Variants in SNAI3 observed in about 807,000 individuals in gnomAD.
SNAI3 encodes zinc finger protein SNAI3.
SNAI3 carries 21 observed loss-of-function variants against 16.4 expected under a neutral mutation model. The ratio of observed to expected loss-of-function variants is 1.28; its 90% confidence interval spans 0.91 to 1.85. The LOEUF (loss-of-function observed/expected upper bound fraction) is 1.85, where lower values mean the gene tolerates loss of function less well. SNAI3 is among the 40% of genes most tolerant of loss of function. SNAI3 has a pLI of 0.00. For missense variants in SNAI3, 457 were observed against 372.8 expected (o/e 1.23, Z -1.86); for synonymous variants, 202 against 166.6 (o/e 1.21, Z -1.64).
In SNAI3 at chr16:88,678,596, C is replaced by G. The variant is rs765112173; in HGVS notation, c.731G>C (p.Arg244Thr). Reference protein sequence around the residue: ...EKPYACSHCSRAFADRSNLRA... With the variant: ...EKPYACSHCSTAFADRSNLRA... ...AAGGTTGGAGCGGTCGGCAAAGGCCCTGCTGCAGTGCGAGCAGGCATAGGG... is the reference window on the plus strand; with the variant it reads ...AAGGTTGGAGCGGTCGGCAAAGGCCGTGCTGCAGTGCGAGCAGGCATAGGG... The change falls in exon 3 of 3, where the codon AGG becomes ACG. Residue 244 changes from arginine to threonine, a missense_variant. Transcript: ENST00000332281. The G allele has an allele frequency of 7.4e-6, 8 of 1,084,490 alleles. No homozygotes were observed. Among genetic ancestry groups the G allele is most frequent in the Admixed American group, 5.1e-5 (3 of 59,344 alleles). The allele number at this position is 1,084,490 out of a possible 1,614,324, so 67.2% of individuals were successfully genotyped here.
At position 88,678,255 on chromosome 16, in the gene SNAI3, G is replaced by A. The variant is rs1163530184; in HGVS notation, c.*193C>T. 5.3e-6 allele frequency: 3 copies of A among 565,768 alleles called. No individual in the cohort carries two copies. The highest frequency in any genetic ancestry group is 6.3e-6 in the Non-Finnish European group (2 of 318,722). The allele number at this position is 565,768 out of a possible 1,614,324, so 35.0% of individuals were successfully genotyped here. A position where few individuals can be genotyped will look rare whatever the true frequency, so the allele number is the denominator to read the frequency against. On this transcript the variant is annotated 3_prime_UTR_variant, in exon 3 of 3. Coordinates refer to ENST00000332281, the MANE Select transcript of SNAI3 (RefSeq NM_178310.4). The stretch of plus-strand genomic sequence containing the variant: ...CTGAGTGGGCTCCGCGCGGTGGGAT[G>A]CCTGGGGGAGTGTCCTCCGGCCCAG...
intron 2 of SNAI3, 182 bp from the exon 3 acceptor site, chr16:88,678,811 G>T: frequency 1.0e-6 from 1 of 985,472 alleles, no homozygotes; most frequent in Non-Finnish European, 1.2e-6. Flanking sequence ...CCTCCCAGGA[G>T]CACAGGCAGC....
At chr16:88,685,141 C>CA (rs1462720292) in intron 1 of SNAI3, 1 of 152,300 alleles carries the variant, frequency 6.6e-6, no homozygotes, top group Non-Finnish European at 1.5e-5. Flanking sequence ...ATTCCGCACA[C>CA]ATGTGTAGTC....
chr16:88,684,545 G>A (rs868409178), intron 1 of SNAI3, among the ~76,000 whole-genome samples: 2 of 152,194 alleles, frequency 1.3e-5, no homozygotes, highest in Non-Finnish European at 2.9e-5. Flanking sequence ...GCCCAGGTTG[G>A]AGTGCAGGGG....
In SNAI3 at chr16:88,681,303, G is replaced by A. The variant is rs202205064; in HGVS notation, c.488C>T (p.Thr163Met). 329 of 1,613,272 alleles carry A rather than the reference G, an allele frequency of 2.0e-4. 1 individual carries two copies. The Admixed American group carries it at 4.7e-3, about 23-fold the overall frequency. The change falls in exon 2 of 3, where the codon ACG (threonine) becomes ATG (methionine). Residue 163 changes from threonine to methionine, a missense_variant. Coordinates refer to ENST00000332281, the MANE Select transcript of SNAI3 (RefSeq NM_178310.4). This position sits in a 1 kb window ranked among gnomAD's most constrained non-coding sequence, Gnocchi z 5.4. Reference protein sequence around the residue: ...ECFHCHKPYHTLAGLARHRQL... With the variant: ...ECFHCHKPYHMLAGLARHRQL... Reference sequence around the variant, plus strand: ...CCGGTGCCTGGCCAGCCCGGCCAGCGTGTGGTAGGGTTTGTGGCAGTGGAA... The same window carrying A: ...CCGGTGCCTGGCCAGCCCGGCCAGCATGTGGTAGGGTTTGTGGCAGTGGAA...
At chr16:88,680,555 G>A (rs1378484538) in intron 2 of SNAI3, among the ~76,000 whole-genome samples, 1 of 152,000 alleles carries the variant, frequency 6.6e-6, no homozygotes, top group Non-Finnish European at 1.5e-5. Flanking sequence ...AAAATGCTGG[G>A]ATTATAGGCG....
chr16:88,682,150 C>G (rs1909195683), intron 1 of SNAI3, among the ~76,000 whole-genome samples: 1 of 152,200 alleles, frequency 6.6e-6, no homozygotes, highest in Non-Finnish European at 1.5e-5. Flanking sequence ...AGCCATCAGT[C>G]AGACGCTTGG....
chr16:88,685,448 TC>T (rs1028174300), intron 1 of SNAI3: 1 of 152,136 alleles, frequency 6.6e-6, no homozygotes, highest in Non-Finnish European at 1.5e-5. Flanking sequence ...CTTCCTGCTC[TC>T]CCCCACCGGC....
Position 88,681,835 on chromosome 16 carries a change from G to A in SNAI3, c.77-121C>T. The A allele has an allele frequency of 8.7e-7, 1 of 1,154,814 alleles. No individual in the cohort carries two copies. Among genetic ancestry groups the A allele is most frequent in the Non-Finnish European group, 1.1e-6 (1 of 901,924 alleles). The allele number at this position is 1,154,814 out of a possible 1,614,324, so 71.5% of individuals were successfully genotyped here. A position where few individuals can be genotyped will look rare whatever the true frequency, so the allele number is the denominator to read the frequency against. On this transcript the variant is annotated intron_variant, in intron 1 of 2. Coordinates refer to ENST00000332281, the MANE Select transcript of SNAI3 (RefSeq NM_178310.4). The surrounding 1 kb of genome is among the most constrained non-coding windows in gnomAD (Gnocchi z 5.4). The stretch of plus-strand genomic sequence containing the variant: ...TCAGCAGCCTGGCGTGGGAGGTGTA[G>A]CCGGGAACCTGCATGCAGACCCAGC...
Position 88,681,459 on chromosome 16 carries a change from T to A in SNAI3, c.332A>T (p.His111Leu), listed in dbSNP as rs572544988. 77 of 1,594,626 alleles carry A rather than the reference T, an allele frequency of 4.8e-5. 1 individual carries two copies. The South Asian group carries it at 8.2e-4, about 17-fold the overall frequency. ...AIVPLKDSLN[H>L]LNLPPLLVLP... is the part of the protein sequence containing the mutation. ...CACCAGCAGTGGGGGCAGGTTGAGG[T>A]GGTTCAGGCTGTCTTTGAGGGGTAC... Residue 111 changes from histidine (H) to leucine (L), a missense_variant, in exon 2 of 3, where the codon CAC becomes CTC. By Grantham distance (99) the His-to-Leu change is moderately conservative. Coordinates refer to ENST00000332281, the MANE Select transcript of SNAI3 (RefSeq NM_178310.4). This position sits in a 1 kb window ranked among gnomAD's most constrained non-coding sequence, Gnocchi z 5.4.
chr16:88,680,716 A>T (rs538786030), intron 2 of SNAI3, among the ~76,000 whole-genome samples: 2 of 152,134 alleles, frequency 1.3e-5, no homozygotes, highest in South Asian at 4.2e-4. Flanking sequence ...CTCCTGCCTC[A>T]GCCTCCTAAG....
Position 88,686,391 on chromosome 16 carries a change from G to C in SNAI3, c.16C>G (p.Leu6Val). The C allele has an allele frequency of 6.2e-7, 1 of 1,611,408 alleles. No individual in the cohort carries two copies. The highest frequency in any genetic ancestry group is 2.2e-5 in the East Asian group (1 of 44,876). ...CTGTGGCTGGAGTGCGTTTTCACCA[G>C]GAAGGAGCGCGGCATGTTCCCCTCC... MPRSFLVKTHSSHRVP... is the reference protein window; with the variant it reads MPRSFVVKTHSSHRVP... The change falls in exon 1 of 3, where the codon CTG becomes GTG. Residue 6 changes from leucine to valine, a missense_variant. By Grantham distance (32) the Leu-to-Val change is conservative. Transcript: ENST00000332281.
intron 1 of SNAI3, chr16:88,685,975 C>A (rs1909346035): frequency 6.1e-6 from 1 of 164,278 alleles, no homozygotes; most frequent in Non-Finnish European, 1.3e-5. Flanking sequence ...CAAACGTGTG[C>A]GCCAGGAAGA....
At chr16:88,678,864 G>C (rs531218569) in intron 2 of SNAI3, 1 of 985,260 alleles carries the variant, frequency 1.0e-6, no homozygotes, top group Non-Finnish European at 1.2e-6. Context: ...TAGCCCTCCC[G>C]GGGCCCTTGG....
chr16:88,681,710 G>T lies in SNAI3; in HGVS notation c.81C>A (p.Ile27=). The T allele has an allele frequency of 1.4e-6, 2 of 1,449,290 alleles. No individual in the cohort carries two copies. Among genetic ancestry groups the T allele is most frequent in the Non-Finnish European group, 9.1e-7 (1 of 1,096,896 alleles). 89.8% of individuals were successfully genotyped at this position (1,449,290 alleles called of 1,614,324 possible). ...NYRRLETQRE[I]NGACSACGGL... is the part of the protein sequence containing the mutation. ...CCCCACAGGCAGAGCAGGCACCATT[G>T]ATTTCTAGAGGGGTGGAGGGGAGAG... Residue 27 remains isoleucine, a synonymous_variant, in exon 2 of 3, where the codon ATC becomes ATA. Transcript: ENST00000332281. This position sits in a 1 kb window ranked among gnomAD's most constrained non-coding sequence, Gnocchi z 5.4.
intron 1 of SNAI3, among the ~76,000 whole-genome samples, chr16:88,682,655 A>C (rs1335652228): frequency 1.3e-5 from 2 of 152,168 alleles, no homozygotes; most frequent in Non-Finnish European, 2.9e-5. Context: ...AATATTTGCA[A>C]ATCAGACTTC....
intron 1 of SNAI3, chr16:88,685,318 TGGCAGCCCGGGCCTCG>T (rs565946531): frequency 2.4e-4 from 37 of 152,382 alleles, no homozygotes; most frequent in African/African-American, 8.7e-4. Flanking sequence ...CACCCCCTGG[TGGCAGCCCGGGCCTCG>T]GGTGTGGGTC....
chr16:88,679,728 G>T (rs113358609), intron 2 of SNAI3, among the ~76,000 whole-genome samples: 12 of 134,240 alleles, frequency 8.9e-5, no homozygotes, highest in Non-Finnish European at 6.2e-5. Flanking sequence ...AGCCACTATG[G>T]TCCGGCCTGG....
rs916144295 is a variant in SNAI3, at chr16:88,686,198, G to A, written c.76+133C>T. The A allele has an allele frequency of 5.3e-5, 63 of 1,190,944 alleles. 1 individual carries two copies. The Middle Eastern group carries it at 4.1e-3, about 78-fold the overall frequency. 73.8% of individuals were successfully genotyped at this position (1,190,944 alleles called of 1,614,324 possible). Reference sequence around the variant, plus strand: ...CCCTCCCTGCAGCCGCAGCCGCTGCGCAGAGGCGCTGGCTCCTTCTCCTCC... The same window carrying A: ...CCCTCCCTGCAGCCGCAGCCGCTGCACAGAGGCGCTGGCTCCTTCTCCTCC... On this transcript the variant is annotated intron_variant, in intron 1 of 2. Coordinates refer to ENST00000332281, the MANE Select transcript of SNAI3 (RefSeq NM_178310.4).
Sources: gnomAD v4.1 joint callset for allele counts (sites outside exome capture counted in the v4.1 genomes callset) on GRCh38, gnomAD v4.1.1 for gene constraint, Gnocchi (gnomAD v3.1) non-coding constraint, MANE v1.5 for transcripts, NCBI Gene and HGNC (gene_info 2026-07-23, HGNC 2026-07-21) for gene names.